The following XPO4 variants were observed in gnomAD, a reference collection of about 807,000 sequenced individuals.
XPO4 encodes the protein exportin-4.
Under a neutral mutation model 143.0 loss-of-function variants are expected in XPO4, and 39 were observed. The observed-to-expected ratio is 0.27, with a 90% confidence interval of 0.21 to 0.36. XPO4 has a LOEUF of 0.36. Ranked by LOEUF, XPO4 falls within the 10% of genes least tolerant of loss-of-function variation. The probability of loss-of-function intolerance (pLI) is 1.00; values close to 1 mark genes in which losing one functional copy is unlikely to be tolerated. For missense variants in XPO4, 907 were observed against 1,348.0 expected, an observed-to-expected ratio of 0.67 and a Z score of 5.12; for synonymous variants, 439 against 474.0, an observed-to-expected ratio of 0.93 and a Z score of 0.96.
Position 20,809,773 on chromosome 13 carries a change from A to AT in XPO4, c.1350+17dup. The AT allele has an allele frequency of 6.3e-7, 1 of 1,587,652 alleles. No homozygotes were observed. Among genetic ancestry groups the AT allele is most frequent in the Non-Finnish European group, 8.6e-7 (1 of 1,167,704 alleles). On this transcript the variant is annotated intron_variant, in intron 10 of 22. Coordinates refer to ENST00000255305, the MANE Select transcript of XPO4 (RefSeq NM_022459.5). ...ATGATGAAATAGACTGTTAATTACC[A>AT]TCTTGCTTAAAACTCACCAAATTTC...
Position 20,780,852 on chromosome 13 carries a change from C to G in XPO4, c.*2870G>C, listed in dbSNP as rs1389860485. On this transcript the variant is annotated 3_prime_UTR_variant, in exon 23 of 23. Transcript: ENST00000255305. ...TACTGAGGCAGCCACTCATCCAGCA[C>G]AAGGACTATAAAAGCAAATCAATCC... 1 of 152,186 alleles carries G rather than the reference C, an allele frequency of 6.6e-6. No homozygotes were observed. Among genetic ancestry groups the G allele is most frequent in the African/African-American group, 2.4e-5 (1 of 41,434 alleles). The allele number at this position is 152,186 out of a possible 1,614,324, so 9.4% of individuals were successfully genotyped here.
Position 20,799,156 on chromosome 13 carries a change from C to T in XPO4, c.2322+9G>A. 6.4e-7 allele frequency: 1 copy of T among 1,573,926 alleles called. No individual in the cohort carries two copies. Among genetic ancestry groups the T allele is most frequent in the Non-Finnish European group, 8.7e-7 (1 of 1,154,266 alleles). The stretch of plus-strand genomic sequence containing the variant: ...AAAAGGGTGCAATCAAAATAGACAG[C>T]ACTGTTACCTCTGTCCAATACTGCT... On this transcript the variant is annotated intron_variant, in intron 16 of 22. Coordinates refer to ENST00000255305, the MANE Select transcript of XPO4 (RefSeq NM_022459.5).
chr13:20,842,870 A>G (rs371504080), intron 6 of XPO4, 25 bp downstream of exon 6: 190 of 1,577,732 alleles, frequency 1.2e-4, no homozygotes, highest in Middle Eastern at 1.2e-3. Flanking sequence ...ACCACAGATA[A>G]ACTATTCATT....
chr13:20,842,132 C>G (rs1339317045), intron 6 of XPO4, among the ~76,000 whole-genome samples: 1 of 152,112 alleles, frequency 6.6e-6, no homozygotes, highest in East Asian at 1.9e-4. Flanking sequence ...TTTGGAAAAG[C>G]TGAGACTCAG....
chr13:20,825,339 G>A (rs1362713414), intron 7 of XPO4, among the ~76,000 whole-genome samples: 2 of 152,124 alleles, frequency 1.3e-5, no homozygotes, highest in Admixed American at 1.3e-4. Flanking sequence ...ATATCCAGTG[G>A]AAAAGTGCTT....
chr13:20,848,120 G>C, intron 4 of XPO4: 1 of 462,198 alleles, frequency 2.2e-6, no homozygotes, highest in Non-Finnish European at 2.8e-6. Flanking sequence ...CTTTGTTGTT[G>C]TCTATCATTC....
chr13:20,853,039 T>C (rs996097713), intron 4 of XPO4: 10 of 985,142 alleles, frequency 1.0e-5, no homozygotes, highest in African/African-American at 1.7e-5. Flanking sequence ...TAAGTAAAAA[T>C]AGCTTCCCAT....
chr13:20,899,081 C>A (rs888560185), intron 1 of XPO4, among the ~76,000 whole-genome samples: 5 of 152,074 alleles, frequency 3.3e-5, no homozygotes, highest in Non-Finnish European at 7.4e-5. Context: ...GCTGGGACAA[C>A]AGAGACCCTG....
chr13:20,893,387 C>A (rs998189876), intron 1 of XPO4, among the ~76,000 whole-genome samples: 7 of 152,070 alleles, frequency 4.6e-5, no homozygotes, highest in African/African-American at 1.7e-4. Flanking sequence ...CACCCACTCA[C>A]TATACTGACC....
chr13:20,839,281 A>C (rs1289677193), intron 6 of XPO4, among the ~76,000 whole-genome samples: 1 of 152,200 alleles, frequency 6.6e-6, no homozygotes, highest in Non-Finnish European at 1.5e-5. Context: ...AGCCAGTCAC[A>C]AAGGACCACA....
intron 1 of XPO4, among the ~76,000 whole-genome samples, chr13:20,884,715 G>C (rs1164449101): frequency 6.6e-6 from 1 of 151,314 alleles, no homozygotes; most frequent in Non-Finnish European, 1.5e-5. Context: ...ACGTGGCCAA[G>C]TATTGTATTT....
rs190611444 is a variant in XPO4 at position 20,825,164 on chromosome 13, T to C, written c.840+1903A>G. Among the ~76,000 whole-genome samples, 551 of 152,252 alleles carry C rather than the reference T, an allele frequency of 3.6e-3. 3 individuals carry two copies. Among genetic ancestry groups the C allele is most frequent in the Middle Eastern group, 6.8e-3 (2 of 294 alleles). On this transcript the variant is annotated intron_variant, in intron 7 of 22. Transcript: ENST00000255305. ...AAACACAATGAAAGTGGGTTTTTTT[T>C]CCAAGACCTTATAGAAGGAAAAAAA...
intron 4 of XPO4, chr13:20,848,803 TA>T (rs1293580630): frequency 1.0e-6 from 1 of 985,224 alleles, no homozygotes; most frequent in Non-Finnish European, 1.2e-6. Flanking sequence ...TGGTTGTTTA[TA>T]AATTTCTACA....
At chr13:20,788,439 C>A (rs766988653) in intron 20 of XPO4, 47 bp downstream of exon 20, 3 of 1,567,980 alleles carry the variant, frequency 1.9e-6, no homozygotes, top group Admixed American at 2.1e-5. Flanking sequence ...AAAGGAAGAT[C>A]TTTTTCCCCA....
At position 20,864,873 on chromosome 13, in the gene XPO4, T is replaced by TA. The variant is rs80164979; in HGVS notation, c.176-2016dup. Among the ~76,000 whole-genome samples the TA allele has an allele frequency of 2.4e-3, 282 of 119,174 alleles. 2 individuals are homozygous for TA. Among genetic ancestry groups the TA allele is most frequent in the Middle Eastern group, 8.5e-3 (2 of 236 alleles). 78.2% of individuals were successfully genotyped at this position (119,174 alleles called of 152,430 possible). A position where few individuals can be genotyped will look rare whatever the true frequency, so the allele number is the denominator to read the frequency against. ...GAAGCTGACTCTAAGAATGGAGGAA[T>TA]AAAAAAAAAAAAAGCCAAATTCCTA... On this transcript the variant is annotated intron_variant, in intron 2 of 22. Coordinates refer to ENST00000255305, the MANE Select transcript of XPO4 (RefSeq NM_022459.5).
Position 20,777,736 on chromosome 13 carries a change from A to G in XPO4, c.*5986T>C, listed in dbSNP as rs991068115. 2 of 152,158 alleles carry G rather than the reference A, an allele frequency of 1.3e-5. No homozygotes were observed. The highest frequency in any genetic ancestry group is 2.4e-5 in the African/African-American group (1 of 41,444). 9.4% of individuals were successfully genotyped at this position (152,158 alleles called of 1,614,324 possible). On this transcript the variant is annotated 3_prime_UTR_variant, in exon 23 of 23. Coordinates refer to ENST00000255305, the MANE Select transcript of XPO4 (RefSeq NM_022459.5). ...GGAATAAAAATGTTTAGCAGATCCT[A>G]TTTGCTTTTGTTCATTCATCATCTC... is the stretch of plus-strand genomic sequence containing the variant.
chr13:20,902,624 C>A, intron 1 of XPO4, 46 bp downstream of exon 1: 1 of 1,510,512 alleles, frequency 6.6e-7, no homozygotes, highest in South Asian at 1.3e-5. Flanking sequence ...GCAGGGCCGA[C>A]CGGGGGCCCG....
chr13:20,865,345 C>G, intron 2 of XPO4: 1 of 370,810 alleles, frequency 2.7e-6, no homozygotes, highest in Non-Finnish European at 3.7e-6. Flanking sequence ...CCATGTTGGT[C>G]AGGTTGGTCT....
At chr13:20,841,771 G>A (rs1033733215) in intron 6 of XPO4, among the ~76,000 whole-genome samples, 1 of 151,758 alleles carries the variant, frequency 6.6e-6, no homozygotes, top group Non-Finnish European at 1.5e-5. Context: ...TAATTAGCGA[G>A]TTTCTGTATA....
Sources: allele counts gnomAD v4.1 joint callset (sites outside exome capture counted in the v4.1 genomes callset), GRCh38; gene constraint gnomAD v4.1.1; transcripts MANE v1.5; gene names NCBI Gene and HGNC (gene_info 2026-07-23, HGNC 2026-07-21).